Variants in MYCBP2 observed in about 807,000 individuals in gnomAD.
MYCBP2 encodes E3 ubiquitin-protein ligase MYCBP2.
Under a neutral mutation model 525.3 loss-of-function variants are expected in MYCBP2, and 120 were observed. The ratio of observed to expected loss-of-function variants is 0.23; its 90% CI spans 0.20 to 0.27. The LOEUF (loss-of-function observed/expected upper bound fraction) is 0.27. Ranked by LOEUF, MYCBP2 falls within the 10% of genes least tolerant of loss-of-function variation. The probability of loss-of-function intolerance (pLI) is 1.00; values close to 1 mark genes in which losing one functional copy is unlikely to be tolerated. For missense variants in MYCBP2, 4,149 were observed against 5,657.1 expected (o/e 0.73, Z 8.55); for synonymous variants, 1,894 against 1,955.8 (o/e 0.97, Z 0.83).
chr13:77,067,569 G>A lies in MYCBP2; in HGVS notation c.12455+12C>T, dbSNP rs761892217. 1.9e-6 allele frequency: 3 copies of A among 1,613,068 alleles called. No individual in the cohort carries two copies. In the South Asian group the frequency reaches 3.3e-5, roughly 18 times the overall value. On this transcript the variant is annotated intron_variant, in intron 71 of 82. Coordinates refer to ENST00000544440, the MANE Select transcript of MYCBP2 (RefSeq NM_015057.5). ...ATTCTGTTTTGGTACTAAAATAGAG[G>A]CAATAACTAACCTGGAATTGAAAAT...
rs751579959 is a variant in MYCBP2 at position 77,147,321 on chromosome 13, ATC to A, written c.7132-1106_7132-1105del. 7.9e-5 allele frequency among the ~76,000 whole-genome samples: 12 copies of A among 152,170 alleles called. No individual in the cohort carries two copies. The East Asian group carries it at 1.4e-3, about 17-fold the overall frequency. The stretch of plus-strand genomic sequence containing the variant: ...GCAGGCTTCAATTGTACCTGTAGCA[ATC>A]TGTTTCTTAATAAAAAAATAACAAA... On this transcript the variant is annotated intron_variant, in intron 47 of 82. Coordinates refer to ENST00000544440, the MANE Select transcript of MYCBP2 (RefSeq NM_015057.5).
intron 47 of MYCBP2, among the ~76,000 whole-genome samples, chr13:77,147,122 G>A (rs1278753353): frequency 1.3e-5 from 2 of 151,928 alleles, no homozygotes; most frequent in African/African-American, 4.8e-5. Context: ...CATACAATAC[G>A]ATATTATTTT....
intron 55 of MYCBP2, chr13:77,103,310 T>A: frequency 5.0e-6 from 2 of 397,610 alleles, no homozygotes; most frequent in Non-Finnish European, 8.9e-6. Context: ...AGATGGAGAT[T>A]CTACAGTGGA....
At chr13:77,062,508 GTTT>G (rs1359324885) in intron 74 of MYCBP2, 85 bp downstream of exon 74, 1 of 1,152,502 alleles carries the variant, frequency 8.7e-7, no homozygotes, top group South Asian at 1.4e-5. Flanking sequence ...ATGTTGATGT[GTTT>G]TTTGTTTGTT....
intron 14 of MYCBP2, among the ~76,000 whole-genome samples, chr13:77,256,287 G>A (rs1256949698): frequency 1.3e-5 from 2 of 152,068 alleles, no homozygotes; most frequent in Non-Finnish European, 2.9e-5. Context: ...AAAACATGTC[G>A]TGTAACAGCA....
intron 2 of MYCBP2, among the ~76,000 whole-genome samples, chr13:77,294,139 T>C (rs1191609993): frequency 4.6e-5 from 6 of 129,530 alleles, no homozygotes; most frequent in African/African-American, 8.3e-5. Flanking sequence ...TACATATATA[T>C]ATACATATAT....
intron 82 of MYCBP2, among the ~76,000 whole-genome samples, chr13:77,046,860 A>G (rs1254379114): frequency 6.6e-6 from 1 of 152,222 alleles, no homozygotes; most frequent in East Asian, 1.9e-4. Flanking sequence ...AAAGTAGTTC[A>G]GTAGCTCCTG....
chr13:77,278,686 T>C, intron 4 of MYCBP2, 72 bp downstream of exon 4: 1 of 1,241,464 alleles, frequency 8.1e-7, no homozygotes, highest in Non-Finnish European at 1.0e-6. Context: ...TTAACAATTT[T>C]GAAGTGTACA....
At chr13:77,302,270 A>G (rs566303164) in intron 1 of MYCBP2, among the ~76,000 whole-genome samples, 240 of 152,216 alleles carry the variant, frequency 1.6e-3, no homozygotes, top group African/African-American at 5.5e-3. Context: ...TCATATTGCT[A>G]AAAGCAAAGC....
chr13:77,061,001 G>A (rs1260175206), intron 76 of MYCBP2, among the ~76,000 whole-genome samples, 168 bp downstream of exon 76: 1 of 152,066 alleles, frequency 6.6e-6, no homozygotes, highest in African/African-American at 2.4e-5. Context: ...TTGGTCTAAT[G>A]CTCTCTTCAC....
chr13:77,160,594 T>C (rs1469691898), intron 44 of MYCBP2, among the ~76,000 whole-genome samples: 3 of 152,178 alleles, frequency 2.0e-5, no homozygotes. Flanking sequence ...GTTATTATAA[T>C]TGTAAGATGC....
rs766038867 is a variant in MYCBP2, at chr13:77,097,561, C to T, written c.9593G>A (p.Cys3198Tyr). ...GSCAVLKKKECEKENKKSKKE... is the reference protein window; with the variant it reads ...GSCAVLKKKEYEKENKKSKKE... ...TTTGGACTTCTTATTCTCTTTCTCA[C>T]ACTCTTTCTTTTTAAGAACTGCACA... Residue 3198 changes from cysteine to tyrosine, a missense_variant, in exon 56 of 83, where the codon TGT (cysteine) becomes TAT (tyrosine). Transcript: ENST00000544440. 16 of 1,613,004 alleles carry T rather than the reference C, an allele frequency of 9.9e-6. No homozygotes were observed. In the Admixed American group the frequency reaches 1.2e-4, roughly 12 times the overall value.
Position 77,070,600 on chromosome 13 carries a change from A to G in MYCBP2, c.11904+31T>C, listed in dbSNP as rs1210829413. ...CACACACACACACACACACAAAACTAATGAAGACAATGAAATAGCTGTTAA... is the reference window on the plus strand; with the variant it reads ...CACACACACACACACACACAAAACTGATGAAGACAATGAAATAGCTGTTAA... On this transcript the variant is annotated intron_variant, in intron 69 of 82. Coordinates refer to ENST00000544440, the MANE Select transcript of MYCBP2 (RefSeq NM_015057.5). 4.1e-6 allele frequency: 6 copies of G among 1,469,054 alleles called. No homozygotes were observed. In the African/African-American group the frequency reaches 8.4e-5, roughly 20 times the overall value. 91.0% of individuals were successfully genotyped at this position (1,469,054 alleles called of 1,614,324 possible). A position where few individuals can be genotyped will look rare whatever the true frequency, so the allele number is the denominator to read the frequency against.
chr13:77,192,315 C>T (rs1365440236), intron 27 of MYCBP2, among the ~76,000 whole-genome samples: 1 of 152,206 alleles, frequency 6.6e-6, no homozygotes, highest in Non-Finnish European at 1.5e-5. Context: ...CACCTGAAAA[C>T]TGTGGTGAAA....
intron 29 of MYCBP2, among the ~76,000 whole-genome samples, chr13:77,189,840 T>A (rs1192343849): frequency 1.3e-5 from 2 of 152,142 alleles, no homozygotes; most frequent in African/African-American, 4.8e-5. Flanking sequence ...TCCAACTCAT[T>A]TTATCAGTCT....
At chr13:77,246,937 A>G (rs2070136695) in intron 15 of MYCBP2, among the ~76,000 whole-genome samples, 1 of 152,180 alleles carries the variant, frequency 6.6e-6, no homozygotes, top group Non-Finnish European at 1.5e-5. Context: ...TAATAAAAAC[A>G]GTAGACAAAC....
At chr13:77,130,387 G>T (rs2052543202) in intron 52 of MYCBP2, among the ~76,000 whole-genome samples, 1 of 150,622 alleles carries the variant, frequency 6.6e-6, no homozygotes, top group African/African-American at 2.4e-5. Flanking sequence ...CTGTTTTCTA[G>T]TTCTATATTT....
At position 77,081,357 on chromosome 13, in the gene MYCBP2, G is replaced by C. The variant is rs750264676; in HGVS notation, c.11418+70C>G. ...GTGATAAAGCTTGTTGCTAAATTCAGAAATGAAAGTGCATGAATACTAAGA... is the reference window on the plus strand; with the variant it reads ...GTGATAAAGCTTGTTGCTAAATTCACAAATGAAAGTGCATGAATACTAAGA... On this transcript the variant is annotated intron_variant, in intron 65 of 82. Transcript: ENST00000544440. This position sits in a 1 kb window ranked among gnomAD's most constrained non-coding sequence, Gnocchi z 4.6. The C allele has an allele frequency of 5.2e-5, 69 of 1,316,280 alleles. No individual in the cohort carries two copies. Among genetic ancestry groups the C allele is most frequent in the Non-Finnish European group, 7.0e-5 (66 of 937,972 alleles). The allele number at this position is 1,316,280 out of a possible 1,614,324, so 81.5% of individuals were successfully genotyped here. A position where few individuals can be genotyped will look rare whatever the true frequency, so the allele number is the denominator to read the frequency against.
At chr13:77,244,485 C>T (rs1001805624) in intron 15 of MYCBP2, among the ~76,000 whole-genome samples, 3 of 152,118 alleles carry the variant, frequency 2.0e-5, no homozygotes, top group Admixed American at 1.3e-4. Context: ...AAACTGGACC[C>T]CTTCCTTACA....
Sources: gnomAD v4.1 joint callset for allele counts (sites outside exome capture counted in the v4.1 genomes callset) on GRCh38, gnomAD v4.1.1 for gene constraint, Gnocchi (gnomAD v3.1) non-coding constraint, MANE v1.5 for transcripts, NCBI Gene and HGNC (gene_info 2026-07-23, HGNC 2026-07-21) for gene names.